ANKFN1: variants seen among roughly 807,000 people sequenced by gnomAD.
The protein encoded by ANKFN1 is ankyrin repeat and fibronectin type III domain containing 1.
ANKFN1 carries 74 observed loss-of-function variants against 108.7 expected under a neutral mutation model. That is an observed-to-expected ratio of 0.68 (90% CI 0.56 to 0.83). The LOEUF is 0.83. ANKFN1 is among the 40% of genes least tolerant of loss of function. The probability of loss-of-function intolerance (pLI) is 0.00; values close to 1 mark genes in which losing one functional copy is unlikely to be tolerated. For synonymous variants in ANKFN1, 547 were observed against 516.2 expected (o/e 1.06, Z -0.81); for missense variants, 1,505 against 1,382.3 (o/e 1.09, Z -1.41).
chr17:56,302,142 C>G (rs2075687302), intron 3 of ANKFN1, among the ~76,000 whole-genome samples: 2 of 152,156 alleles, frequency 1.3e-5, no homozygotes, highest in Non-Finnish European at 2.9e-5. Context: ...ACTGGGGAGA[C>G]CAAGTAACTT....
chr17:56,266,770 A>G (rs2043663011), intron 3 of ANKFN1, among the ~76,000 whole-genome samples: 1 of 151,980 alleles, frequency 6.6e-6, no homozygotes, highest in Admixed American at 6.6e-5. Flanking sequence ...CATGTGACCA[A>G]TTTTCCTTAG....
chr17:56,059,497 A>C (rs1904936731), intron 4 of ANKFN1, among the ~76,000 whole-genome samples: 1 of 152,096 alleles, frequency 6.6e-6, no homozygotes, highest in Non-Finnish European at 1.5e-5. Context: ...TTTGTCATGA[A>C]GTCTTTGCCT....
chr17:56,080,269 G>C (rs1236560778), intron 4 of ANKFN1, among the ~76,000 whole-genome samples: 1 of 152,180 alleles, frequency 6.6e-6, no homozygotes, highest in Non-Finnish European at 1.5e-5. Context: ...TTGATAATCA[G>C]TCAGGTATCT....
intron 8 of ANKFN1, among the ~76,000 whole-genome samples, chr17:56,426,515 C>A (rs1284575875): frequency 6.6e-6 from 1 of 152,076 alleles, no homozygotes; most frequent in African/African-American, 2.4e-5. Flanking sequence ...CATTTTAGGT[C>A]AAAGCTACTG....
intron 20 of ANKFN1, among the ~76,000 whole-genome samples, chr17:56,504,763 C>A (rs2051494454): frequency 6.6e-6 from 1 of 151,360 alleles, no homozygotes; most frequent in African/African-American, 2.4e-5. Context: ...TCAAGTGATT[C>A]TCGTGCTCAG....
intron 4 of ANKFN1, among the ~76,000 whole-genome samples, chr17:56,144,730 G>C (rs1416986363): frequency 6.6e-6 from 1 of 152,094 alleles, no homozygotes; most frequent in South Asian, 2.1e-4. Flanking sequence ...GTCCAGTGAG[G>C]GTTCTTTGTT....
chr17:56,116,809 G>A (rs902304760), intron 4 of ANKFN1, among the ~76,000 whole-genome samples: 3 of 152,106 alleles, frequency 2.0e-5, no homozygotes, highest in African/African-American at 7.2e-5. Flanking sequence ...AAAAAAGATT[G>A]CATTAAGTTA....
intron 6 of ANKFN1, among the ~76,000 whole-genome samples, chr17:56,366,743 C>T (rs2046673675): frequency 6.6e-6 from 1 of 152,158 alleles, no homozygotes; most frequent in South Asian, 2.1e-4. Context: ...ACCATAGAGT[C>T]TGGCTGTGTG....
intron 4 of ANKFN1, among the ~76,000 whole-genome samples, chr17:56,089,960 A>T (rs1026034887): frequency 1.3e-5 from 2 of 151,506 alleles, no homozygotes; most frequent in African/African-American, 4.9e-5. Flanking sequence ...TATATGCAAT[A>T]TGAAAGGGAA....
intron 1 of ANKFN1, among the ~76,000 whole-genome samples, chr17:56,187,892 T>C (rs903167426): frequency 7.2e-6 from 1 of 138,420 alleles, no homozygotes; most frequent in African/African-American, 2.8e-5. Flanking sequence ...TGAGAACACT[T>C]GGACACAGGT....
intron 3 of ANKFN1, among the ~76,000 whole-genome samples, chr17:56,323,905 A>G (rs1021541988): frequency 1.1e-4 from 17 of 152,218 alleles, no homozygotes; most frequent in Admixed American, 6.6e-4. Flanking sequence ...AAGGGATATA[A>G]TGATGGCAGA....
At chr17:56,058,628 T>TA (rs1202691335) in intron 4 of ANKFN1, among the ~76,000 whole-genome samples, 1 of 48,628 alleles carries the variant, frequency 2.1e-5, no homozygotes, top group East Asian at 3.7e-4. Flanking sequence ...GTTGTTCCGC[T>TA]CCGTGTCCAA....
intron 4 of ANKFN1, among the ~76,000 whole-genome samples, chr17:56,338,918 G>T (rs1264978556): frequency 6.6e-6 from 1 of 152,034 alleles, no homozygotes; most frequent in Non-Finnish European, 1.5e-5. Flanking sequence ...TGTATTGAAA[G>T]GGATACCCCA....
chr17:56,189,178 T>TTTTTTTTTTTTTTTGTTTTG (rs1598205488), intron 1 of ANKFN1, among the ~76,000 whole-genome samples: 1 of 118,846 alleles, frequency 8.4e-6, no homozygotes, highest in African/African-American at 4.2e-5. Flanking sequence ...GACTTTTTTT[T>TTTTTTTTTTTTTTTGTTTTG]TTTTTTTTTT....
chr17:56,169,064 C>T (rs574967868), intron 1 of ANKFN1, among the ~76,000 whole-genome samples: 19 of 151,972 alleles, frequency 1.3e-4, no homozygotes, highest in South Asian at 6.3e-4. Flanking sequence ...TAACAGAAAG[C>T]GGGGAAAACA....
chr17:56,168,672 G>A (rs1210446530), intron 1 of ANKFN1, among the ~76,000 whole-genome samples: 2 of 152,130 alleles, frequency 1.3e-5, no homozygotes, highest in Non-Finnish European at 2.9e-5. Flanking sequence ...TTTAGTTTTG[G>A]TTTAGTTCGT....
At chr17:56,136,039 T>G (rs1345314018) in intron 4 of ANKFN1, among the ~76,000 whole-genome samples, 1 of 152,162 alleles carries the variant, frequency 6.6e-6, no homozygotes. Context: ...AAAGAGATTT[T>G]TAGGGGCCAT....
chr17:56,241,840 C>T (rs975491964), intron 3 of ANKFN1, among the ~76,000 whole-genome samples: 4 of 151,970 alleles, frequency 2.6e-5, no homozygotes, highest in African/African-American at 9.7e-5. Context: ...CACTGCAATA[C>T]CATGGATACT....
rs1354958118 is a variant in ANKFN1 at position 56,499,058 on chromosome 17, A to AC, written c.2609dup (p.Ser871IlefsTer12). 6.5e-7 allele frequency: 1 copy of AC among 1,535,328 alleles called. No homozygotes were observed. ...CACATATAGACTGTCTTCCATCCCC[A>AC]CCCCCATCCCCAGAGATGCACAGAA... is the stretch of plus-strand genomic sequence containing the variant. On this transcript the variant is annotated frameshift_variant, in exon 20 of 21. Transcript: ENST00000682825. LOFTEE classifies it high-confidence loss of function.
Sources: allele counts gnomAD v4.1 joint callset (sites outside exome capture counted in the v4.1 genomes callset), GRCh38; gene constraint gnomAD v4.1.1; transcripts MANE v1.5; gene names NCBI Gene and HGNC (gene_info 2026-07-23, HGNC 2026-07-21).